STEAP3: variants seen among roughly 807,000 people sequenced by gnomAD.
STEAP3 encodes the protein metalloreductase STEAP3.
In STEAP3, 35 loss-of-function variants were observed where a neutral mutation model predicts 34.9. That is an observed-to-expected ratio of 1.00 (90% CI 0.76 to 1.33). The LOEUF (loss-of-function observed/expected upper bound fraction) is 1.33, where lower values mean the gene tolerates loss of function less well. Ranked by LOEUF, STEAP3 falls within the 40% of genes most tolerant of loss-of-function variation. The pLI is 0.00. For synonymous variants in STEAP3, 281 were observed against 301.6 expected (o/e 0.93, Z 0.71); for missense variants, 652 against 667.6 (o/e 0.98, Z 0.26).
intron 2 of STEAP3, chr2:119,244,344 C>A (rs1345206105): frequency 3.4e-5 from 5 of 148,388 alleles, no homozygotes; most frequent in Admixed American, 1.4e-4. Flanking sequence ...TCAAGCGATC[C>A]TCCTGCCTCA....
intron 3 of STEAP3, 26 bp from the exon 4 acceptor site, chr2:119,247,653 C>G (rs1558751355): frequency 2.0e-6 from 3 of 1,509,406 alleles, no homozygotes; most frequent in Non-Finnish European, 2.6e-6. Context: ...GTGACGCCGT[C>G]TGACTGCCCC....
chr2:119,234,915 C>T (rs894489934), intron 2 of STEAP3, among the ~76,000 whole-genome samples: 7 of 152,188 alleles, frequency 4.6e-5, no homozygotes, highest in Admixed American at 1.3e-4. Flanking sequence ...CCTTCCCATA[C>T]GCTGGCGATG....
chr2:119,227,810 G>GAATTTATT (rs148303129), intron 1 of STEAP3, among the ~76,000 whole-genome samples: 1 of 145,256 alleles, frequency 6.9e-6, no homozygotes, highest in Non-Finnish European at 1.5e-5. Context: ...CCCATTTCTT[G>GAATTTATT]TATTTATTTA....
intron 2 of STEAP3, among the ~76,000 whole-genome samples, chr2:119,231,494 G>A (rs838099): frequency 0.35 from 52,971 of 151,662 alleles, 9,554 homozygotes; most frequent in Non-Finnish European, 0.42. Flanking sequence ...CGGAACTGCT[G>A]CTGCAAGTAA....
chr2:119,233,178 C>G (rs1676997830), intron 2 of STEAP3, among the ~76,000 whole-genome samples: 1 of 152,160 alleles, frequency 6.6e-6, no homozygotes, highest in Non-Finnish European at 1.5e-5. Context: ...CATGCCCTGG[C>G]CCAGGAGCCT....
At chr2:119,241,613 T>C (rs769271530) in intron 2 of STEAP3, among the ~76,000 whole-genome samples, 4 of 152,156 alleles carry the variant, frequency 2.6e-5, no homozygotes, top group African/African-American at 4.8e-5. Context: ...CAGCAGCTCC[T>C]GTTAGAGAAG....
intron 1 of STEAP3, among the ~76,000 whole-genome samples, chr2:119,225,702 T>C (rs540535406): frequency 1.3e-4 from 20 of 152,264 alleles, no homozygotes; most frequent in African/African-American, 4.1e-4. Flanking sequence ...GAGAGCTGAG[T>C]GGGCAAAAGG....
chr2:119,237,358 AAG>A (rs1056134791), intron 2 of STEAP3, among the ~76,000 whole-genome samples: 51 of 150,812 alleles, frequency 3.4e-4, no homozygotes, highest in African/African-American at 9.7e-4. Context: ...GAGAGGAAGT[AAG>A]AGAGAGAGAG....
chr2:119,224,394 T>G (rs1350999983), intron 1 of STEAP3, among the ~76,000 whole-genome samples: 1 of 152,192 alleles, frequency 6.6e-6, no homozygotes, highest in African/African-American at 2.4e-5. Flanking sequence ...CGCCCGACCT[T>G]GGTCCCCAGG....
intron 4 of STEAP3, among the ~76,000 whole-genome samples, chr2:119,249,713 T>A (rs1311840337): frequency 6.6e-6 from 1 of 152,142 alleles, no homozygotes; most frequent in Non-Finnish European, 1.5e-5. Flanking sequence ...CAGCCCCTAC[T>A]CACTGTCAGG....
intron 2 of STEAP3, among the ~76,000 whole-genome samples, chr2:119,233,965 TTCCAGTATCCCTGGGAA>T (rs1286138475): frequency 6.6e-6 from 1 of 152,132 alleles, no homozygotes; most frequent in Non-Finnish European, 1.5e-5. Flanking sequence ...GGAGGCCGAT[TTCCAGTATCCCTGGGAA>T]TCCAAAGAAA....
rs1050830926 is a variant in STEAP3 at position 119,230,773 on chromosome 2, C to A, written c.-240C>A. The stretch of plus-strand genomic sequence containing the variant: ...AGGCCAGAGCTGCGCTCTCTCAGTG[C>A]ACTCTCCAACCAAGCATCAGTCACC... On this transcript the variant is annotated 5_prime_UTR_variant, in exon 2 of 6. Coordinates refer to ENST00000393110, the MANE Select transcript of STEAP3 (RefSeq NM_182915.3). The A allele has an allele frequency of 3.3e-6, 2 of 602,422 alleles. No homozygotes were observed. The highest frequency in any genetic ancestry group is 6.0e-6 in the Non-Finnish European group (2 of 333,672). The allele number at this position is 602,422 out of a possible 1,614,324, so 37.3% of individuals were successfully genotyped here.
intron 2 of STEAP3, among the ~76,000 whole-genome samples, chr2:119,233,031 G>A (rs551869521): frequency 6.6e-6 from 1 of 152,318 alleles, no homozygotes; most frequent in Admixed American, 6.5e-5. Flanking sequence ...GTGGGAAGTG[G>A]CCAGAGACAT....
chr2:119,230,124 A>G (rs1679168882), intron 1 of STEAP3, among the ~76,000 whole-genome samples: 1 of 152,210 alleles, frequency 6.6e-6, no homozygotes, highest in South Asian at 2.1e-4. Context: ...CAAGATCGCT[A>G]GGTTCCAAAC....
At chr2:119,226,864 G>C (rs959980397) in intron 1 of STEAP3, among the ~76,000 whole-genome samples, 1 of 152,150 alleles carries the variant, frequency 6.6e-6, no homozygotes, top group Non-Finnish European at 1.5e-5. Flanking sequence ...CTCTTAGGAG[G>C]TCGATAATGT....
At chr2:119,239,762 C>T (rs1677191886) in intron 2 of STEAP3, among the ~76,000 whole-genome samples, 1 of 152,188 alleles carries the variant, frequency 6.6e-6, no homozygotes, top group Admixed American at 6.5e-5. Flanking sequence ...ACACTTTAGT[C>T]CACTGCCTGG....
At position 119,258,700 on chromosome 2, in the gene STEAP3, C is replaced by T. The variant is rs566971039; in HGVS notation, c.1215+3852C>T. 5.5e-5 allele frequency among the ~76,000 whole-genome samples: 8 copies of T among 146,784 alleles called. No homozygotes were observed. In the South Asian group the frequency reaches 1.5e-3, roughly 28 times the overall value. ...TCGGCTCACTGCAACCTCTGCCTCCCGGGTTCATGCCATTCTCCTGCCTCA... is the reference window on the plus strand; with the variant it reads ...TCGGCTCACTGCAACCTCTGCCTCCTGGGTTCATGCCATTCTCCTGCCTCA... On this transcript the variant is annotated intron_variant, in intron 5 of 5. Transcript: ENST00000393110.
At chr2:119,238,939 C>T (rs989424325) in intron 2 of STEAP3, among the ~76,000 whole-genome samples, 6 of 152,126 alleles carry the variant, frequency 3.9e-5, no homozygotes, top group Non-Finnish European at 8.8e-5. Flanking sequence ...GAACAACACA[C>T]AGCAATCTTG....
chr2:119,238,405 C>A (rs1558745621), intron 2 of STEAP3, among the ~76,000 whole-genome samples: 1 of 152,194 alleles, frequency 6.6e-6, no homozygotes, highest in Non-Finnish European at 1.5e-5. Context: ...TGATGCTGAA[C>A]ATCTTTTCAT....
Sources: gnomAD v4.1 joint callset for allele counts (sites outside exome capture counted in the v4.1 genomes callset) on GRCh38, gnomAD v4.1.1 for gene constraint, MANE v1.5 for transcripts, NCBI Gene and HGNC (gene_info 2026-07-23, HGNC 2026-07-21) for gene names.